Variants in UPRT observed in about 807,000 individuals in gnomAD.
The protein encoded by UPRT is uracil phosphoribosyltransferase homolog, also known as RP11-311P8.3.
UPRT carries 5 observed loss-of-function variants against 22.6 expected under a neutral mutation model. The ratio of observed to expected loss-of-function variants is 0.22; its 90% confidence interval spans 0.12 to 0.47. UPRT has a LOEUF of 0.47. UPRT is among the 20% of genes least tolerant of loss of function. The pLI, the probability that UPRT is intolerant of heterozygous loss-of-function variation, is 0.99. For synonymous variants in UPRT, 77 were observed against 87.7 expected, an observed-to-expected ratio of 0.88 and a Z score of 0.68; for missense variants, 181 against 239.9, an observed-to-expected ratio of 0.75 and a Z score of 1.62.
chrX:75,207,267 C>G (rs1170166847), intron 4 of UPRT, among the ~76,000 whole-genome samples: 1 of 112,383 alleles, frequency 8.9e-6, no homozygotes, highest in African/African-American at 3.2e-5. Context: ...GTTAGGGCAA[C>G]TATCTTTGCC....
chrX:75,264,778 C>T (rs765748398), intron 4 of UPRT, among the ~76,000 whole-genome samples: 1 of 111,592 alleles, frequency 9.0e-6, no homozygotes, highest in South Asian at 3.8e-4. Flanking sequence ...CAGTTTCTTC[C>T]CAGCCTCGAT....
intron 4 of UPRT, among the ~76,000 whole-genome samples, chrX:75,225,459 G>A (rs995354977): frequency 9.0e-6 from 1 of 110,660 alleles, no homozygotes; most frequent in Admixed American, 9.7e-5. Context: ...GGGGCAGAAT[G>A]AGAAATGCAG....
At chrX:75,246,970 C>T (rs1315183334) in intron 4 of UPRT, among the ~76,000 whole-genome samples, 1 of 111,871 alleles carries the variant, frequency 8.9e-6, no homozygotes, top group African/African-American at 3.2e-5. Context: ...AAGTGAAATA[C>T]AGAGAGAGGA....
intron 4 of UPRT, among the ~76,000 whole-genome samples, chrX:75,218,192 A>C (rs1448035766): frequency 9.1e-6 from 1 of 110,495 alleles, no homozygotes; most frequent in Admixed American, 9.6e-5. Context: ...AATTTACAAG[A>C]AAAAAACAAA....
intron 4 of UPRT, among the ~76,000 whole-genome samples, chrX:75,238,644 C>G (rs1426265903): frequency 9.0e-6 from 1 of 111,210 alleles, no homozygotes; most frequent in Admixed American, 9.6e-5. Flanking sequence ...ACATTCTACC[C>G]AACAACTGCA....
intron 4 of UPRT, among the ~76,000 whole-genome samples, chrX:75,251,636 C>G (rs923533958): frequency 3.6e-5 from 4 of 111,514 alleles, no homozygotes; most frequent in African/African-American, 1.3e-4. Context: ...GGCCATACTG[C>G]CCAAGGTAAT....
chrX:75,255,553 G>A (rs1448810793), intron 4 of UPRT, among the ~76,000 whole-genome samples: 1 of 111,732 alleles, frequency 8.9e-6, no homozygotes, highest in Non-Finnish European at 1.9e-5. Flanking sequence ...GCTCCACTTA[G>A]AAGATACAGA....
chrX:75,295,474 G>A (rs1251763335), intron 2 of UPRT, among the ~76,000 whole-genome samples: 1 of 112,082 alleles, frequency 8.9e-6, no homozygotes, highest in Non-Finnish European at 1.9e-5. Flanking sequence ...TTCATGAGGT[G>A]CCTGGGCCCT....
intron 4 of UPRT, among the ~76,000 whole-genome samples, chrX:75,243,959 G>C (rs1301353199): frequency 9.0e-6 from 1 of 111,698 alleles, no homozygotes; most frequent in African/African-American, 3.2e-5. Flanking sequence ...TTTCAAATGA[G>C]AGACCCTTTA....
intron 4 of UPRT, among the ~76,000 whole-genome samples, chrX:75,168,678 C>T (rs966279281): frequency 1.8e-4 from 20 of 110,761 alleles, no homozygotes; most frequent in South Asian, 7.8e-4. Flanking sequence ...TACAGGCATG[C>T]GCCACCATGC....
At chrX:75,204,152 T>C (rs2082356340) in intron 4 of UPRT, among the ~76,000 whole-genome samples, 2 of 109,821 alleles carry the variant, frequency 1.8e-5, no homozygotes, top group Middle Eastern at 9.4e-3. Flanking sequence ...TGAGTATACA[T>C]GGGCCAATTA....
intron 4 of UPRT, among the ~76,000 whole-genome samples, chrX:75,239,206 C>T (rs2082480083): frequency 9.0e-6 from 1 of 110,797 alleles, no homozygotes. Flanking sequence ...AGTGATAGAC[C>T]ATTAGCAAGA....
intron 3 of UPRT, among the ~76,000 whole-genome samples, chrX:75,164,477 A>G (rs1036251173): frequency 8.9e-6 from 1 of 112,153 alleles, no homozygotes; most frequent in Non-Finnish European, 1.9e-5. Context: ...GATACATGCT[A>G]CAACATGGAT....
intron 4 of UPRT, among the ~76,000 whole-genome samples, chrX:75,190,312 C>G (rs1395374651): frequency 8.9e-6 from 1 of 112,016 alleles, no homozygotes; most frequent in Non-Finnish European, 1.9e-5. Context: ...GGCCCCCACT[C>G]TCTTCTGGCT....
intron 4 of UPRT, among the ~76,000 whole-genome samples, chrX:75,197,897 G>A (rs1017952268): frequency 8.9e-6 from 1 of 112,566 alleles, no homozygotes; most frequent in East Asian, 2.8e-4. Context: ...ATGTTAGATG[G>A]TTCAAGAACT....
chrX:75,232,053 A>G (rs1351530645), intron 4 of UPRT, among the ~76,000 whole-genome samples: 1 of 111,554 alleles, frequency 9.0e-6, no homozygotes, highest in East Asian at 2.8e-4. Flanking sequence ...AGGGAGTGCC[A>G]GACAGTGGGC....
upstream of UPRT, among the ~76,000 whole-genome samples, chrX:75,269,578 C>T (rs745694694): frequency 1.8e-5 from 2 of 111,686 alleles, no homozygotes; most frequent in African/African-American, 6.5e-5. Flanking sequence ...TGGAACAGAA[C>T]AGAGGCCTCA....
At chrX:75,201,030 T>A (rs767401812) in intron 4 of UPRT, among the ~76,000 whole-genome samples, 2 of 112,484 alleles carry the variant, frequency 1.8e-5, no homozygotes, top group Non-Finnish European at 3.8e-5. Flanking sequence ...TGTTCCATGA[T>A]CTGGCCTTGC....
intron 2 of UPRT, chrX:75,294,501 A>C: frequency 1.2e-6 from 1 of 851,561 alleles, no homozygotes; most frequent in Non-Finnish European, 1.5e-6. Flanking sequence ...CCAAAGTTAT[A>C]ATCAGATTAA....
Sources: gnomAD v4.1 joint callset for allele counts (sites outside exome capture counted in the v4.1 genomes callset) on GRCh38, gnomAD v4.1.1 for gene constraint, MANE v1.5 for transcripts, NCBI Gene and HGNC (gene_info 2026-07-23, HGNC 2026-07-21) for gene names.